Variants in PCBP3 observed in about 807,000 individuals in gnomAD.
PCBP3 encodes the protein poly(rC) binding protein 3, also known as poly(rC)-binding protein 3.
Under a neutral mutation model 52.7 loss-of-function variants are expected in PCBP3, and 25 were observed. That is an observed-to-expected ratio of 0.47 (90% CI 0.35 to 0.66). PCBP3 has a LOEUF of 0.66. Ranked by LOEUF, PCBP3 falls within the 30% of genes least tolerant of loss-of-function variation. The probability of loss-of-function intolerance (pLI) is 0.01; values close to 1 mark genes in which losing one functional copy is unlikely to be tolerated. For synonymous variants in PCBP3, 162 were observed against 183.0 expected (o/e 0.89, Z 0.93); for missense variants, 391 against 490.3 (o/e 0.80, Z 1.91).
rs138184782 is a variant in PCBP3, at chr21:45,845,346, C to T, written c.-125-4615C>T. On this transcript the variant is annotated intron_variant, in intron 4 of 17. Coordinates refer to ENST00000681687, the MANE Select transcript of PCBP3 (RefSeq NM_001384156.1). ...CTGAAACCATTTCTTAAGAGCCTGG[C>T]TAATGCTGTGAGCTGCTTAAGCACC... Among the ~76,000 whole-genome samples the T allele has an allele frequency of 1.0e-3, 158 of 152,410 alleles. 1 individual carries two copies. The highest frequency in any genetic ancestry group is 3.4e-3 in the African/African-American group (143 of 41,606).
Position 45,917,363 on chromosome 21 carries a change from ACT to A in PCBP3, c.676-224_676-223del. On this transcript the variant is annotated intron_variant, in intron 12 of 17. Coordinates refer to ENST00000681687, the MANE Select transcript of PCBP3 (RefSeq NM_001384156.1). The surrounding 1 kb of genome is among the most constrained non-coding windows in gnomAD (Gnocchi z 5.3). ...GAACTGTTTCCCTCCCACCCGCTGA[ACT>A]GGCCAGCTCAGCTCTGCCCGCCCAG... 2 of 441,052 alleles carry A rather than the reference ACT, an allele frequency of 4.5e-6. No homozygotes were observed. The highest frequency in any genetic ancestry group is 4.2e-6 in the Non-Finnish European group (1 of 238,604). 27.3% of individuals were successfully genotyped at this position (441,052 alleles called of 1,614,324 possible).
At chr21:45,658,134 A>G (rs1027224480) in intron 1 of PCBP3, among the ~76,000 whole-genome samples, 3 of 152,198 alleles carry the variant, frequency 2.0e-5, no homozygotes, top group Non-Finnish European at 4.4e-5. Flanking sequence ...GAATGTTGTC[A>G]GATGCTTTTC....
rs779870676 is a variant in PCBP3, at chr21:45,930,119, G to A, written c.796+124G>A. The stretch of plus-strand genomic sequence containing the variant: ...TTGGATTTGTGAGTGCCGGTGCTGC[G>A]GCGTTCACATGCAGCAGGCTTGCTG... On this transcript the variant is annotated intron_variant, in intron 14 of 17. Transcript: ENST00000681687. 5.4e-5 allele frequency: 33 copies of A among 615,780 alleles called. No individual in the cohort carries two copies. In the South Asian group the frequency reaches 6.7e-4, roughly 12 times the overall value. The allele number at this position is 615,780 out of a possible 1,614,324, so 38.1% of individuals were successfully genotyped here. A position where few individuals can be genotyped will look rare whatever the true frequency, so the allele number is the denominator to read the frequency against.
chr21:45,932,026 C>G (rs1603545793), intron 15 of PCBP3, among the ~76,000 whole-genome samples: 1 of 151,938 alleles, frequency 6.6e-6, no homozygotes, highest in Admixed American at 6.5e-5. Flanking sequence ...CCGTGCCGTC[C>G]TGAGATGAAT....
chr21:45,865,034 AC>A (rs1170883621), intron 5 of PCBP3, among the ~76,000 whole-genome samples: 1 of 152,214 alleles, frequency 6.6e-6, no homozygotes, highest in African/African-American at 2.4e-5. Flanking sequence ...ACTGTTTCTT[AC>A]CCACTGCCAA....
intron 16 of PCBP3, among the ~76,000 whole-genome samples, chr21:45,935,677 T>G (rs2076819812): frequency 6.6e-6 from 1 of 152,126 alleles, no homozygotes; most frequent in African/African-American, 2.4e-5. Flanking sequence ...CCACCTGCAG[T>G]ATTATCTCCA....
At chr21:45,650,016 CTG>C (rs1417689039) in intron 1 of PCBP3, among the ~76,000 whole-genome samples, 1 of 151,832 alleles carries the variant, frequency 6.6e-6, no homozygotes, top group Non-Finnish European at 1.5e-5. Flanking sequence ...CTGGGAGAAA[CTG>C]TGATGTACTA....
intron 4 of PCBP3, among the ~76,000 whole-genome samples, chr21:45,815,622 T>G (rs2092901642): frequency 1.1e-4 from 2 of 19,028 alleles, no homozygotes; most frequent in Non-Finnish European, 9.5e-5. Context: ...GAGTAGTGAG[T>G]GATGAGTGGT....
chr21:45,717,365 A>G (rs1344996314), intron 2 of PCBP3, among the ~76,000 whole-genome samples: 1 of 152,144 alleles, frequency 6.6e-6, no homozygotes, highest in Non-Finnish European at 1.5e-5. Context: ...AACCTCCAAT[A>G]CAGCGTTGAT....
chr21:45,789,193 T>TGTGTGTCTGCACATGCAAATGTGCATGC (rs2091361340), intron 4 of PCBP3, among the ~76,000 whole-genome samples: 1 of 151,828 alleles, frequency 6.6e-6, no homozygotes, highest in African/African-American at 2.4e-5. Context: ...CGTGTGCATG[T>TGTGTGTCTGCACATGCAAATGTGCATGC]GTGTGTCTGC....
chr21:45,653,651 A>G (rs2079830290), intron 1 of PCBP3, among the ~76,000 whole-genome samples: 1 of 152,112 alleles, frequency 6.6e-6, no homozygotes, highest in Admixed American at 6.5e-5. Flanking sequence ...TGCAAAGAGT[A>G]TAGTTAGATA....
chr21:45,776,584 T>C (rs947499109), intron 4 of PCBP3, among the ~76,000 whole-genome samples: 1 of 152,142 alleles, frequency 6.6e-6, no homozygotes, highest in Admixed American at 6.5e-5. Context: ...AGAATTGTTA[T>C]ATCCTCTTCC....
chr21:45,701,913 A>T (rs1388100237), intron 2 of PCBP3, among the ~76,000 whole-genome samples: 1 of 152,156 alleles, frequency 6.6e-6, no homozygotes, highest in Non-Finnish European at 1.5e-5. Flanking sequence ...AAAATAAATT[A>T]GTGAGGAGAA....
At chr21:45,899,802 C>A (rs2095975563) in intron 7 of PCBP3, among the ~76,000 whole-genome samples, 180 bp downstream of exon 7, 1 of 152,178 alleles carries the variant, frequency 6.6e-6, no homozygotes, top group Non-Finnish European at 1.5e-5. Flanking sequence ...GACATTGAAG[C>A]TGGTCCCTGG....
chr21:45,675,108 G>T (rs1240828395), intron 2 of PCBP3, among the ~76,000 whole-genome samples: 5 of 152,242 alleles, frequency 3.3e-5, no homozygotes, highest in African/African-American at 1.2e-4. Flanking sequence ...GAAGAACAGA[G>T]CATAGTTGAG....
At chr21:45,885,403 G>C (rs2095494103) in intron 5 of PCBP3, among the ~76,000 whole-genome samples, 1 of 152,180 alleles carries the variant, frequency 6.6e-6, no homozygotes, top group Admixed American at 6.5e-5. Flanking sequence ...GGTTTACTCA[G>C]CTTCTCAAAT....
intron 4 of PCBP3, among the ~76,000 whole-genome samples, chr21:45,784,209 C>CA (rs962557351): frequency 1.3e-5 from 2 of 151,638 alleles, no homozygotes; most frequent in East Asian, 3.9e-4. Context: ...TGTGCTGATT[C>CA]AAAAAAAATT....
At position 45,737,425 on chromosome 21, in the gene PCBP3, CAG is replaced by C. The variant is rs2085963250; in HGVS notation, c.-162+1998_-162+1999del. Among the ~76,000 whole-genome samples, 1 of 152,236 alleles carries C rather than the reference CAG, an allele frequency of 6.6e-6. No homozygotes were observed. Among genetic ancestry groups the C allele is most frequent in the Non-Finnish European group, 1.5e-5 (1 of 68,040 alleles). Reference sequence around the variant, plus strand: ...AAGGGAAGAGCCTCTGGGACTCAGACAGATAAACAACACCTGTTATGTGCTGT... The same window carrying C: ...AAGGGAAGAGCCTCTGGGACTCAGACATAAACAACACCTGTTATGTGCTGT... On this transcript the variant is annotated intron_variant, in intron 3 of 17. Coordinates refer to ENST00000681687, the MANE Select transcript of PCBP3 (RefSeq NM_001384156.1). The surrounding 1 kb of genome is among the most constrained non-coding windows in gnomAD (Gnocchi z 4.9).
chr21:45,717,648 G>A (rs536783460), intron 2 of PCBP3, among the ~76,000 whole-genome samples: 1 of 152,158 alleles, frequency 6.6e-6, no homozygotes, highest in Non-Finnish European at 1.5e-5. Context: ...TCGATTTTTG[G>A]ATATTAAGCC....
Sources: gnomAD v4.1 joint callset for allele counts (sites outside exome capture counted in the v4.1 genomes callset) on GRCh38, gnomAD v4.1.1 for gene constraint, Gnocchi (gnomAD v3.1) non-coding constraint, MANE v1.5 for transcripts, NCBI Gene and HGNC (gene_info 2026-07-23, HGNC 2026-07-21) for gene names.